HS3ST2: variants seen among roughly 807,000 people sequenced by gnomAD.
HS3ST2 encodes the protein heparan sulfate glucosamine 3-O-sulfotransferase 2.
Under a neutral mutation model 26.3 loss-of-function variants are expected in HS3ST2, and 17 were observed. The ratio of observed to expected loss-of-function variants is 0.65; its 90% CI spans 0.44 to 0.97. HS3ST2 has a LOEUF of 0.97. HS3ST2 is among the 50% of genes least tolerant of loss of function. HS3ST2 has a pLI of 0.00. For missense variants in HS3ST2, 402 were observed against 501.2 expected, an observed-to-expected ratio of 0.80 and a Z score of 1.89; for synonymous variants, 237 against 219.2, an observed-to-expected ratio of 1.08 and a Z score of -0.72.
intron 1 of HS3ST2, among the ~76,000 whole-genome samples, chr16:22,834,661 G>T (rs927915846): frequency 1.5e-5 from 2 of 129,440 alleles, no homozygotes; most frequent in Non-Finnish European, 3.6e-5. Flanking sequence ...TTTGGGGTTT[G>T]TGGGTAACCA....
chr16:22,901,404 A>G (rs760210742), intron 1 of HS3ST2, among the ~76,000 whole-genome samples: 7 of 151,990 alleles, frequency 4.6e-5, no homozygotes, highest in Non-Finnish European at 1.0e-4. Flanking sequence ...AAAAATGCAT[A>G]CTCTTAGCAC....
chr16:22,849,485 G>A (rs1901490234), intron 1 of HS3ST2, among the ~76,000 whole-genome samples: 1 of 152,192 alleles, frequency 6.6e-6, no homozygotes, highest in Non-Finnish European at 1.5e-5. Flanking sequence ...AATAGGCTAA[G>A]TTGTGCTGTA....
chr16:22,827,647 G>A (rs573242717), intron 1 of HS3ST2, among the ~76,000 whole-genome samples: 1 of 151,972 alleles, frequency 6.6e-6, no homozygotes, highest in East Asian at 1.9e-4. Flanking sequence ...TGCTGCTGAG[G>A]TTGATGATGG....
chr16:22,848,723 G>T (rs1056141650), intron 1 of HS3ST2, among the ~76,000 whole-genome samples: 1 of 152,116 alleles, frequency 6.6e-6, no homozygotes, highest in South Asian at 2.1e-4. Context: ...AGTGCTCTAC[G>T]TATTCAAGTT....
intron 1 of HS3ST2, among the ~76,000 whole-genome samples, chr16:22,856,505 A>G (rs1050131463): frequency 6.6e-6 from 1 of 152,054 alleles, no homozygotes; most frequent in East Asian, 1.9e-4. Flanking sequence ...TAGAAATCCT[A>G]TTGCTATGTA....
intron 1 of HS3ST2, among the ~76,000 whole-genome samples, chr16:22,910,778 G>T (rs1265840757): frequency 6.6e-6 from 1 of 152,164 alleles, no homozygotes; most frequent in African/African-American, 2.4e-5. Flanking sequence ...GCGCCAATGG[G>T]TGGGTTTGCA....
At chr16:22,821,910 C>T (rs1040064781) in intron 1 of HS3ST2, among the ~76,000 whole-genome samples, 3 of 152,174 alleles carry the variant, frequency 2.0e-5, no homozygotes, top group South Asian at 2.1e-4. Flanking sequence ...CGGAGCATCA[C>T]GTGGATTTCC....
Position 22,859,871 on chromosome 16 carries a change from T to A in HS3ST2, c.485+44776T>A, listed in dbSNP as rs1287127937. Reference sequence around the variant, plus strand: ...CGAGGGGATTTCTGACTTGGGCATGTAGGGGTGATTGGCAGTGGGGTGGAT... The same window carrying A: ...CGAGGGGATTTCTGACTTGGGCATGAAGGGGTGATTGGCAGTGGGGTGGAT... On this transcript the variant is annotated intron_variant, in intron 1 of 1. Coordinates refer to ENST00000261374, the MANE Select transcript of HS3ST2 (RefSeq NM_006043.2). Among the ~76,000 whole-genome samples the A allele has an allele frequency of 2.6e-5, 4 of 152,144 alleles. 1 individual carries two copies. The highest frequency in any genetic ancestry group is 5.9e-5 in the Non-Finnish European group (4 of 68,020).
intron 1 of HS3ST2, among the ~76,000 whole-genome samples, chr16:22,903,635 C>T (rs1902310186): frequency 6.6e-6 from 1 of 152,150 alleles, no homozygotes; most frequent in Non-Finnish European, 1.5e-5. Flanking sequence ...TTACTGGGCA[C>T]CTACTATACA....
chr16:22,884,208 A>G (rs147109307), intron 1 of HS3ST2, among the ~76,000 whole-genome samples: 71 of 152,318 alleles, frequency 4.7e-4, no homozygotes, highest in African/African-American at 1.6e-3. Flanking sequence ...GGGGCTTCAC[A>G]TGATATCATG....
In HS3ST2 at chr16:22,824,106, C is replaced by T. The variant is rs1901044741; in HGVS notation, c.485+9011C>T. ...AAAGTCAGAGATAAAGTTGTTTTCA[C>T]TAGGGAATCAGCAATTTATGAGACA... On this transcript the variant is annotated intron_variant, in intron 1 of 1. Transcript: ENST00000261374. 2.6e-5 allele frequency among the ~76,000 whole-genome samples: 4 copies of T among 152,238 alleles called. No individual in the cohort carries two copies. In the South Asian group the frequency reaches 6.2e-4, roughly 24 times the overall value.
chr16:22,909,295 T>C (rs1315124185), intron 1 of HS3ST2, among the ~76,000 whole-genome samples: 1 of 152,122 alleles, frequency 6.6e-6, no homozygotes, highest in African/African-American at 2.4e-5. Flanking sequence ...GGGAGGAAAG[T>C]CCAAACAATG....
intron 1 of HS3ST2, among the ~76,000 whole-genome samples, chr16:22,846,931 T>A (rs1181386082): frequency 6.6e-6 from 1 of 152,188 alleles, no homozygotes; most frequent in Non-Finnish European, 1.5e-5. Flanking sequence ...TCCTCTACAG[T>A]GCTGAGAATC....
chr16:22,887,954 C>A (rs1902083625), intron 1 of HS3ST2, among the ~76,000 whole-genome samples: 1 of 152,130 alleles, frequency 6.6e-6, no homozygotes, highest in Admixed American at 6.5e-5. Flanking sequence ...CTGGAGCCAG[C>A]CCTCAGTGAA....
chr16:22,853,763 T>G (rs1238815807), intron 1 of HS3ST2, among the ~76,000 whole-genome samples: 1 of 152,106 alleles, frequency 6.6e-6, no homozygotes, highest in Non-Finnish European at 1.5e-5. Context: ...CCTTCAAGAC[T>G]GGAAGACTGC....
chr16:22,832,151 C>CTTTTTTT lies in HS3ST2; in HGVS notation c.485+17068_485+17074dup, dbSNP rs71151684. Among the ~76,000 whole-genome samples, 174 of 115,452 alleles carry CTTTTTTT rather than the reference C, an allele frequency of 1.5e-3. 1 individual carries two copies. The highest frequency in any genetic ancestry group is 5.3e-3 in the African/African-American group (166 of 31,294). The allele number at this position is 115,452 out of a possible 152,430, so 75.7% of individuals were successfully genotyped here. A position where few individuals can be genotyped will look rare whatever the true frequency, so the allele number is the denominator to read the frequency against. Reference sequence around the variant, plus strand: ...GCATGTGCTACCATCCCCAGCTGATCTTTTTTTTTTTTTTTTTTAATTTTT... The same window carrying CTTTTTTT: ...GCATGTGCTACCATCCCCAGCTGATCTTTTTTTTTTTTTTTTTTTTTTTTTAATTTTT... On this transcript the variant is annotated intron_variant, in intron 1 of 1. Transcript: ENST00000261374.
Position 22,873,373 on chromosome 16 carries a change from G to A in HS3ST2, c.486-41571G>A, listed in dbSNP as rs1901864945. Among the ~76,000 whole-genome samples the A allele has an allele frequency of 2.6e-5, 4 of 152,200 alleles. No individual in the cohort carries two copies. The South Asian group carries it at 8.3e-4, about 32-fold the overall frequency. On this transcript the variant is annotated intron_variant, in intron 1 of 1. Coordinates refer to ENST00000261374, the MANE Select transcript of HS3ST2 (RefSeq NM_006043.2). ...ACACCAAGCTCAAAGGCTGGAACAT[G>A]GCAGACATTTAAATGCTCACTAAAT...
At chr16:22,829,312 T>C (rs542874473) in intron 1 of HS3ST2, among the ~76,000 whole-genome samples, 1 of 152,308 alleles carries the variant, frequency 6.6e-6, no homozygotes, top group South Asian at 2.1e-4. Flanking sequence ...GGCTGTGGGT[T>C]ATGCAGAATA....
At chr16:22,895,941 T>C (rs1422231615) in intron 1 of HS3ST2, among the ~76,000 whole-genome samples, 1 of 152,094 alleles carries the variant, frequency 6.6e-6, no homozygotes, top group Non-Finnish European at 1.5e-5. Flanking sequence ...TCGGTCTTTG[T>C]TAATGTGGAT....
Sources: allele counts gnomAD v4.1 joint callset (sites outside exome capture counted in the v4.1 genomes callset), GRCh38; gene constraint gnomAD v4.1.1; transcripts MANE v1.5; gene names NCBI Gene and HGNC (gene_info 2026-07-23, HGNC 2026-07-21).